Variants in MCM4 observed in about 807,000 individuals in gnomAD.
MCM4 encodes minichromosome maintenance complex component 4, also known as DNA replication licensing factor MCM4.
A neutral mutation model predicts 88.7 loss-of-function variants in MCM4; 60 were observed. The observed-to-expected ratio is 0.68, with a 90% CI of 0.55 to 0.84. The LOEUF (loss-of-function observed/expected upper bound fraction) is 0.84, where lower values mean the gene tolerates loss of function less well. MCM4 is among the 40% of genes least tolerant of loss of function. The pLI is 0.00. For missense variants in MCM4, 1,149 were observed against 1,105.5 expected (o/e 1.04, Z -0.56); for synonymous variants, 465 against 410.5 (o/e 1.13, Z -1.61).
rs1423928015 is a variant in MCM4 at position 47,962,186 on chromosome 8, G to A, written c.369G>A (p.Lys123=). The change falls in exon 4 of 17, where the codon AAG becomes AAA. Residue 123 remains lysine (K), a synonymous_variant. Transcript: ENST00000649973. ...GGCCTGACCTGGGCTCTGCACAGAA[G>A]GGCCTGCAAGTGGATCTGCAGTCTG... The part of the protein sequence containing the change: ...RQRPDLGSAQ[K]GLQVDLQSDG... 5 of 1,614,204 alleles carry A rather than the reference G, an allele frequency of 3.1e-6. No homozygotes were observed. In the East Asian group the frequency reaches 1.1e-4, roughly 36 times the overall value.
chr8:47,967,385 G>A lies in MCM4; in HGVS notation c.1074G>A (p.Pro358=), dbSNP rs756967187. ...TTCAGATCAAGCTTCAGGAGTCTCC[G>A]GAAGACATGCCTGCAGGGCAGACAC... ...DKQMIKLQES[P]EDMPAGQTPH... The change falls in exon 10 of 17, where the codon CCG becomes CCA. Residue 358 remains proline, a synonymous_variant. Transcript: ENST00000649973. The A allele has an allele frequency of 7.4e-6, 12 of 1,614,026 alleles. No homozygotes were observed. The highest frequency in any genetic ancestry group is 6.7e-5 in the East Asian group (3 of 44,904).
intron 8 of MCM4, among the ~76,000 whole-genome samples, chr8:47,965,612 C>T (rs1252744088): frequency 6.6e-6 from 1 of 152,050 alleles, no homozygotes; most frequent in African/African-American, 2.4e-5. Flanking sequence ...GTGGGACCTT[C>T]AAAGGGAAAA....
In MCM4 at chr8:47,961,623, C is replaced by T; in HGVS notation, c.178C>T (p.Gln60Ter). The T allele has an allele frequency of 6.2e-7, 1 of 1,614,166 alleles. No individual in the cohort carries two copies. The highest frequency in any genetic ancestry group is 8.5e-7 in the Non-Finnish European group (1 of 1,180,020). ...PMPTSPGVDL[Q>*]SPAAQDVLFS... ...GCCAACCTCGCCTGGAGTGGACCTG[C>T]AGAGCCCTGCTGCGCAGGACGTGCT... The change falls in exon 3 of 17, where the codon CAG becomes TAG. Residue 60 changes from glutamine to a stop codon, truncating the protein, a stop_gained. Transcript: ENST00000649973. LOFTEE classifies it high-confidence loss of function.
chr8:47,964,798 G>A, intron 8 of MCM4, 86 bp downstream of exon 8: 1 of 1,163,986 alleles, frequency 8.6e-7, no homozygotes, highest in Non-Finnish European at 1.2e-6. Context: ...AATTATGAAA[G>A]AAGTAATTGG....
rs781098847 is a variant in MCM4 at position 47,970,567 on chromosome 8, G to A, written c.1491G>A (p.Arg497=). 6.2e-7 allele frequency: 1 copy of A among 1,613,776 alleles called. No homozygotes were observed. The highest frequency in any genetic ancestry group is 1.7e-5 in the Admixed American group (1 of 59,994). ...GTRKDFSHTG[R]GKFRAEINIL... ...GGAAGGATTTTAGTCACACTGGAAG[G>A]GGCAAATTTCGGGCTGAGATCAACA... Residue 497 remains arginine (R), a synonymous_variant, in exon 12 of 17, where the codon AGG becomes AGA. Transcript: ENST00000649973.
chr8:47,967,204 A>C (rs2090907176), intron 9 of MCM4, among the ~76,000 whole-genome samples, 161 bp from the exon 10 acceptor site: 2 of 152,226 alleles, frequency 1.3e-5, no homozygotes, highest in South Asian at 2.1e-4. Context: ...CAACTTCTTT[A>C]GAAGAAGTAA....
At chr8:47,975,027 G>A in intron 15 of MCM4, 65 bp downstream of exon 15, 7 of 1,295,376 alleles carry the variant, frequency 5.4e-6, no homozygotes, top group South Asian at 1.3e-5. Context: ...TAGTTTATAT[G>A]TCAGATTTAA....
intron 13 of MCM4, among the ~76,000 whole-genome samples, chr8:47,972,650 A>G (rs1027644867): frequency 6.6e-6 from 1 of 151,896 alleles, no homozygotes; most frequent in Non-Finnish European, 1.5e-5. Context: ...TTCGCCTTCC[A>G]GGTTCAAGCG....
chr8:47,971,244 G>A (rs2154505343), intron 12 of MCM4, 97 bp from the exon 13 acceptor site: 1 of 1,418,458 alleles, frequency 7.0e-7, no homozygotes, highest in Non-Finnish European at 9.8e-7. Context: ...AAACTCAGTG[G>A]AGGGAATATG....
Position 47,970,530 on chromosome 8 carries a change from T to C in MCM4, c.1454T>C (p.Phe485Ser). ...ATTTAGGGAATTTTGCTTCAGCTCT[T>C]TGGCGGGACAAGGAAGGATTTTAGT... ...DIKKGILLQLFGGTRKDFSHT... is the reference protein window; with the variant it reads ...DIKKGILLQLSGGTRKDFSHT... The change falls in exon 12 of 17, where the codon TTT becomes TCT. Residue 485 changes from phenylalanine (F) to serine (S), a missense_variant. Transcript: ENST00000649973. 6.2e-7 allele frequency: 1 copy of C among 1,601,224 alleles called. No homozygotes were observed.
chr8:47,966,443 G>T (rs768251740), intron 9 of MCM4, 36 bp downstream of exon 9: 16 of 1,560,396 alleles, frequency 1.0e-5, no homozygotes, highest in Non-Finnish European at 1.3e-5. Context: ...GCTATGCTTT[G>T]CCTGTCTGTA....
chr8:47,975,061 C>T (rs2090989796), intron 15 of MCM4, 99 bp downstream of exon 15: 2 of 997,458 alleles, frequency 2.0e-6, no homozygotes, highest in South Asian at 1.7e-5. Context: ...TCATTTGAAA[C>T]AGAAGTTCTT....
chr8:47,963,498 T>A (rs2090867375), intron 7 of MCM4, among the ~76,000 whole-genome samples: 1 of 152,168 alleles, frequency 6.6e-6, no homozygotes, highest in Admixed American at 6.5e-5. Context: ...GATGAACATT[T>A]TTTTTTCACA....
At position 47,970,001 on chromosome 8, in the gene MCM4, G is replaced by C. The variant is rs148209200; in HGVS notation, c.1378G>C (p.Glu460Gln). ...ACTTTCCAGGAAACCAGACATTTAT[G>C]AGAGGCTTGCTTCAGCCTTGGCTCC... is the stretch of plus-strand genomic sequence containing the variant. ...KELSRKPDIY[E>Q]RLASALAPSI... Residue 460 changes from glutamate (E) to glutamine (Q), a missense_variant, in exon 11 of 17, where the codon GAG (glutamate) becomes CAG (glutamine). Around this residue, in one of 3 missense-constraint regions of MCM4, gnomAD observed 906 missense variants for 843.0 expected, o/e 1.07. Coordinates refer to ENST00000649973, the MANE Select transcript of MCM4 (RefSeq NM_182746.3). 6.2e-7 allele frequency: 1 copy of C among 1,614,228 alleles called. No individual in the cohort carries two copies. Among genetic ancestry groups the C allele is most frequent in the Non-Finnish European group, 8.5e-7 (1 of 1,180,036 alleles).
chr8:47,968,731 T>C (rs2090923449), intron 10 of MCM4, among the ~76,000 whole-genome samples: 1 of 152,252 alleles, frequency 6.6e-6, no homozygotes. Context: ...ACAAGGACAG[T>C]GCTCTGTGCC....
At chr8:47,975,498 C>T (rs2090993563) in intron 15 of MCM4, 4 of 346,896 alleles carry the variant, frequency 1.2e-5, no homozygotes, top group Admixed American at 9.4e-5. Flanking sequence ...TTCTTAGCAG[C>T]AGCTGCTTGC....
At position 47,974,788 on chromosome 8, in the gene MCM4, C is replaced by A. The variant is rs1187594152; in HGVS notation, c.2191C>A (p.Pro731Thr). ...GSSRGMVSAY[P>T]RQLESLIRLA... Reference sequence around the variant, plus strand: ...TAGCCGGGGAATGGTTTCTGCATACCCTCGACAGCTAGAGTCATTAATCCG... The same window carrying A: ...TAGCCGGGGAATGGTTTCTGCATACACTCGACAGCTAGAGTCATTAATCCG... Residue 731 changes from proline (P) to threonine (T), a missense_variant, in exon 15 of 17, where the codon CCT becomes ACT. By Grantham distance (38) the Pro-to-Thr change is conservative. Coordinates refer to ENST00000649973, the MANE Select transcript of MCM4 (RefSeq NM_182746.3). The A allele has an allele frequency of 3.7e-6, 6 of 1,614,146 alleles. No individual in the cohort carries two copies. Among genetic ancestry groups the A allele is most frequent in the Non-Finnish European group, 3.4e-6 (4 of 1,180,034 alleles).
chr8:47,961,940 G>T, intron 3 of MCM4, 113 bp from the exon 4 acceptor site: 2 of 1,067,974 alleles, frequency 1.9e-6, no homozygotes, highest in South Asian at 2.9e-5. Context: ...GCCACCGCAG[G>T]TTGCAATAAA....
intron 16 of MCM4, 38 bp from the exon 17 acceptor site, chr8:47,976,648 G>A (rs1425387838): frequency 1.4e-6 from 2 of 1,415,708 alleles, no homozygotes; most frequent in South Asian, 1.2e-5. Flanking sequence ...GGAGGGACTT[G>A]ACGTGTACAA....
Sources: gnomAD v4.1 joint callset for allele counts (sites outside exome capture counted in the v4.1 genomes callset) on GRCh38, gnomAD v4.1.1 for gene constraint, gnomAD v4.1.1 regional missense constraint, MANE v1.5 for transcripts, NCBI Gene and HGNC (gene_info 2026-07-23, HGNC 2026-07-21) for gene names.